PCCA: variants seen among roughly 807,000 people sequenced by gnomAD.
PCCA encodes the protein propionyl-CoA carboxylase subunit alpha, also known as propionyl-CoA carboxylase alpha chain, mitochondrial.
In PCCA, 74 loss-of-function variants were observed where a neutral mutation model predicts 101.3. The observed-to-expected ratio is 0.73, with a 90% confidence interval of 0.61 to 0.89. PCCA has a LOEUF of 0.89. Among genes scored for constraint, PCCA ranks in the 40% least tolerant of loss-of-function variants. The pLI, the probability that PCCA is intolerant of heterozygous loss-of-function variation, is 0.00. For missense variants in PCCA, 891 were observed against 907.0 expected, an observed-to-expected ratio of 0.98 and a Z score of 0.23; for synonymous variants, 294 against 313.6, an observed-to-expected ratio of 0.94 and a Z score of 0.66.
At chr13:100,291,137 G>C (rs1469492422) in intron 12 of PCCA, among the ~76,000 whole-genome samples, 1 of 152,204 alleles carries the variant, frequency 6.6e-6, no homozygotes, top group East Asian at 1.9e-4. Flanking sequence ...AAAGGGCTGG[G>C]TGTTGTGGCT....
intron 22 of PCCA, among the ~76,000 whole-genome samples, chr13:100,515,819 A>T (rs1276925375): frequency 2.0e-5 from 3 of 152,228 alleles, no homozygotes; most frequent in Non-Finnish European, 4.4e-5. Flanking sequence ...GCATTCCATC[A>T]TTTTGCAAAT....
At chr13:100,261,901 T>A (rs966791619) in intron 9 of PCCA, among the ~76,000 whole-genome samples, 2 of 152,194 alleles carry the variant, frequency 1.3e-5, no homozygotes, top group Non-Finnish European at 2.9e-5. Flanking sequence ...ATCTTCCTGT[T>A]GGATGTTCAA....
chr13:100,148,614 T>TC (rs2052892473), intron 4 of PCCA, among the ~76,000 whole-genome samples: 1 of 152,176 alleles, frequency 6.6e-6, no homozygotes, highest in African/African-American at 2.4e-5. Context: ...ATAGTTCTCC[T>TC]CCTGCTGGTT....
At chr13:100,118,827 G>A (rs917344166) in intron 4 of PCCA, among the ~76,000 whole-genome samples, 14 of 152,092 alleles carry the variant, frequency 9.2e-5, no homozygotes, top group Admixed American at 3.3e-4. Context: ...AGGATTACAG[G>A]CGTGAGCCAC....
chr13:100,489,478 T>A (rs2084718488), intron 21 of PCCA, among the ~76,000 whole-genome samples: 1 of 152,248 alleles, frequency 6.6e-6, no homozygotes, highest in Non-Finnish European at 1.5e-5. Context: ...CTGACCTAGA[T>A]GATTAGTCAT....
intron 7 of PCCA, 60 bp from the exon 8 acceptor site, chr13:100,235,782 T>C (rs2060762299): frequency 8.7e-7 from 1 of 1,152,306 alleles, no homozygotes; most frequent in East Asian, 2.3e-5. Context: ...ATGACTGCCC[T>C]AAAGACATTG....
intron 19 of PCCA, among the ~76,000 whole-genome samples, chr13:100,402,463 T>A (rs1232212855): frequency 6.6e-6 from 1 of 152,222 alleles, no homozygotes; most frequent in Non-Finnish European, 1.5e-5. Flanking sequence ...AGATAATTTT[T>A]ATTTTAATAC....
intron 19 of PCCA, among the ~76,000 whole-genome samples, chr13:100,422,065 TTTTCTTTTCTTTCTTTCTTTCTTTCTTTC>T (rs201874587): frequency 6.7e-5 from 4 of 59,346 alleles, no homozygotes; most frequent in African/African-American, 2.3e-4. Flanking sequence ...TTCTCTTCTC[TTTTCTTTTCTTTCTTTCTTTCTTTCTTTC>T]TTTCTTTCTT....
chr13:100,522,369 C>G (rs2087370319), intron 22 of PCCA, among the ~76,000 whole-genome samples: 1 of 152,170 alleles, frequency 6.6e-6, no homozygotes, highest in Non-Finnish European at 1.5e-5. Context: ...GCTCAAAATA[C>G]CATCCATCAG....
chr13:100,180,275 C>A (rs1594573552), intron 6 of PCCA, among the ~76,000 whole-genome samples: 2 of 152,268 alleles, frequency 1.3e-5, no homozygotes, highest in East Asian at 3.9e-4. Flanking sequence ...AAGTTAAATT[C>A]TCTTGGGCAT....
intron 6 of PCCA, among the ~76,000 whole-genome samples, chr13:100,183,263 C>T (rs2056962392): frequency 6.6e-6 from 1 of 152,164 alleles, no homozygotes; most frequent in African/African-American, 2.4e-5. Context: ...GTGACAGTTT[C>T]ATAACTGTGG....
intron 19 of PCCA, among the ~76,000 whole-genome samples, chr13:100,390,564 G>A (rs1395994687): frequency 6.6e-6 from 1 of 152,142 alleles, no homozygotes; most frequent in Admixed American, 6.5e-5. Flanking sequence ...GATGGGCAGA[G>A]GAAGAAGAAT....
chr13:100,089,275 C>G (rs906331604), intron 1 of PCCA, 50 bp downstream of exon 1: 2 of 1,408,520 alleles, frequency 1.4e-6, no homozygotes, highest in Non-Finnish European at 1.9e-6. Flanking sequence ...GGCTTCTAGC[C>G]GTGCCGCCTC....
chr13:100,166,276 T>C (rs1046996386), intron 6 of PCCA, among the ~76,000 whole-genome samples: 12 of 152,172 alleles, frequency 7.9e-5, no homozygotes, highest in African/African-American at 2.7e-4. Flanking sequence ...TATTTTGAAA[T>C]TGATGCATGT....
chr13:100,520,664 G>T (rs1044099659), intron 22 of PCCA, among the ~76,000 whole-genome samples: 4 of 144,250 alleles, frequency 2.8e-5, no homozygotes, highest in East Asian at 3.9e-4. Flanking sequence ...AAAAGAGTTG[G>T]TTTTTGTTGG....
intron 4 of PCCA, among the ~76,000 whole-genome samples, chr13:100,131,521 G>A (rs1274324756): frequency 1.3e-5 from 2 of 152,142 alleles, no homozygotes; most frequent in Non-Finnish European, 2.9e-5. Context: ...ACATTTTTAA[G>A]CATACAGTTC....
intron 19 of PCCA, among the ~76,000 whole-genome samples, chr13:100,379,075 A>C (rs1040653815): frequency 2.0e-5 from 3 of 152,092 alleles, no homozygotes; most frequent in African/African-American, 7.2e-5. Flanking sequence ...ATTTGTTTTC[A>C]TAGGGGAAGA....
At chr13:100,116,570 C>T (rs780882399) in intron 4 of PCCA, among the ~76,000 whole-genome samples, 32 of 152,314 alleles carry the variant, frequency 2.1e-4, no homozygotes, top group Middle Eastern at 6.8e-3. Context: ...CTTGGTCCTT[C>T]GCTCTTCCAT....
At chr13:100,150,985 G>A (rs2053243037) in intron 4 of PCCA, 2 of 1,518,654 alleles carry the variant, frequency 1.3e-6, no homozygotes, top group Non-Finnish European at 1.8e-6. Flanking sequence ...GGAGAGCCCT[G>A]TGGAGAGCAG....
Sources: allele counts gnomAD v4.1 joint callset (sites outside exome capture counted in the v4.1 genomes callset), GRCh38; gene constraint gnomAD v4.1.1; transcripts MANE v1.5; gene names NCBI Gene and HGNC (gene_info 2026-07-23, HGNC 2026-07-21).